TMCC1: variants seen among roughly 807,000 people sequenced by gnomAD.
TMCC1 encodes transmembrane and coiled-coil domain family 1, also known as transmembrane and coiled-coil domains protein 1.
In TMCC1, 15 loss-of-function variants were observed where a neutral mutation model predicts 52.4. That is an observed-to-expected ratio of 0.29 (90% confidence interval 0.19 to 0.44). The LOEUF (loss-of-function observed/expected upper bound fraction) is 0.44, where lower values mean the gene tolerates loss of function less well. Among genes scored for constraint, TMCC1 ranks in the 20% least tolerant of loss-of-function variants. TMCC1 has a pLI of 1.00. For synonymous variants in TMCC1, 279 were observed against 301.9 expected, an observed-to-expected ratio of 0.92 and a Z score of 0.79; for missense variants, 503 against 806.0, an observed-to-expected ratio of 0.62 and a Z score of 4.55.
intron 1 of TMCC1, chr3:129,892,811 T>G (rs1003109551): frequency 6.6e-6 from 1 of 152,014 alleles, no homozygotes; most frequent in African/African-American, 2.4e-5. Flanking sequence ...AAAGCAGAGA[T>G]TCGCAAGCTA....
intron 2 of TMCC1, among the ~76,000 whole-genome samples, chr3:129,872,335 A>G (rs1321218303): frequency 6.6e-6 from 1 of 152,196 alleles, no homozygotes; most frequent in Non-Finnish European, 1.5e-5. Flanking sequence ...ACTCAAAAGC[A>G]TGGTCTGCTG....
At chr3:129,849,463 A>G (rs76457662) in intron 2 of TMCC1, among the ~76,000 whole-genome samples, 1 of 147,338 alleles carries the variant, frequency 6.8e-6, no homozygotes. Context: ...CTCCATCTCA[A>G]AAAAAAAAAA....
intron 4 of TMCC1, among the ~76,000 whole-genome samples, chr3:129,730,281 TAA>T (rs1359109542): frequency 6.6e-6 from 1 of 152,188 alleles, no homozygotes; most frequent in Non-Finnish European, 1.5e-5. Flanking sequence ...TGTGTTGTTC[TAA>T]AAGTTTCATA....
chr3:129,656,094 A>T (rs1195559331), intron 5 of TMCC1, among the ~76,000 whole-genome samples: 1 of 152,288 alleles, frequency 6.6e-6, no homozygotes, highest in African/African-American at 2.4e-5. Flanking sequence ...CAGAGGAGTC[A>T]CATGATGAAT....
chr3:129,734,461 A>AAGTC (rs1200339880), intron 4 of TMCC1, among the ~76,000 whole-genome samples: 1 of 152,168 alleles, frequency 6.6e-6, no homozygotes, highest in African/African-American at 2.4e-5. Flanking sequence ...TGAGGTGGGC[A>AAGTC]GACTGCTTAA....
At chr3:129,713,113 A>T (rs575681156) in intron 4 of TMCC1, among the ~76,000 whole-genome samples, 159 of 152,196 alleles carry the variant, frequency 1.0e-3, no homozygotes, top group African/African-American at 3.4e-3. Context: ...AATAAAAAAA[A>T]TTGCTAGTTG....
In TMCC1 at chr3:129,797,274, C is replaced by T. The variant is rs564819192; in HGVS notation, c.576+30529G>A. ...CCGGGAAGCGGAGCTTGCAGTGAGC[C>T]GAGATCACGCCACTGCACTCCAGCC... On this transcript the variant is annotated intron_variant, in intron 4 of 6. Coordinates refer to ENST00000393238, the MANE Select transcript of TMCC1 (RefSeq NM_001017395.5). Among the ~76,000 whole-genome samples the T allele has an allele frequency of 1.4e-3, 207 of 151,492 alleles. 3 individuals carry two copies. The highest frequency in any genetic ancestry group is 0.013 in the Admixed American group (205 of 15,198).
At chr3:129,658,012 G>A (rs1379412921) in intron 5 of TMCC1, among the ~76,000 whole-genome samples, 5 of 152,050 alleles carry the variant, frequency 3.3e-5, no homozygotes, top group Admixed American at 1.3e-4. Context: ...ATATGTATAC[G>A]AGTGTTCACT....
At chr3:129,865,556 G>T (rs190426710) in intron 2 of TMCC1, among the ~76,000 whole-genome samples, 1 of 152,222 alleles carries the variant, frequency 6.6e-6, no homozygotes, top group East Asian at 1.9e-4. Context: ...ATGAAAGCTT[G>T]AACTATAAGG....
At chr3:129,699,759 CA>C (rs1359133886) in intron 4 of TMCC1, among the ~76,000 whole-genome samples, 1 of 152,012 alleles carries the variant, frequency 6.6e-6, no homozygotes, top group Non-Finnish European at 1.5e-5. Context: ...CCATCTCTAT[CA>C]AAACTAACAA....
intron 4 of TMCC1, among the ~76,000 whole-genome samples, chr3:129,690,621 C>A (rs1175573066): frequency 6.6e-6 from 1 of 152,104 alleles, no homozygotes; most frequent in African/African-American, 2.4e-5. Context: ...TAAGTCAAAG[C>A]ATTTAATTGC....
rs116676721 is a variant in TMCC1, at chr3:129,711,693, T to A, written c.577-40429A>T. Among the ~76,000 whole-genome samples the A allele has an allele frequency of 7.6e-3, 1,135 of 149,908 alleles. 24 individuals carry two copies. Among genetic ancestry groups the A allele is most frequent in the African/African-American group, 0.027 (1,084 of 40,788 alleles). On this transcript the variant is annotated intron_variant, in intron 4 of 6. Transcript: ENST00000393238. ...AACCCTAACTCTACTAATAAGATAA[T>A]AATAATAAAAAATTAGGCCAGGTGC...
chr3:129,819,758 G>C (rs1292640107), intron 4 of TMCC1: 1 of 152,088 alleles, frequency 6.6e-6, no homozygotes, highest in Non-Finnish European at 1.5e-5. Flanking sequence ...TCAAAATTAT[G>C]ATGTGAATGA....
At chr3:129,860,773 T>C (rs546388186) in intron 2 of TMCC1, among the ~76,000 whole-genome samples, 1 of 152,216 alleles carries the variant, frequency 6.6e-6, no homozygotes, top group African/African-American at 2.4e-5. Context: ...CTAATTCTTG[T>C]ATTTTTAGTA....
At chr3:129,766,472 T>C (rs892936407) in intron 4 of TMCC1, among the ~76,000 whole-genome samples, 2 of 152,200 alleles carry the variant, frequency 1.3e-5, no homozygotes, top group Non-Finnish European at 2.9e-5. Flanking sequence ...TAAACCCTAA[T>C]GCAAGCAAAT....
chr3:129,786,033 C>T (rs1309900898), intron 4 of TMCC1, among the ~76,000 whole-genome samples: 1 of 146,938 alleles, frequency 6.8e-6, no homozygotes, highest in Non-Finnish European at 1.5e-5. Flanking sequence ...CTTCTAGGTT[C>T]AAGTGATTCT....
At chr3:129,877,794 A>C (rs2061288942) in intron 2 of TMCC1, among the ~76,000 whole-genome samples, 1 of 151,290 alleles carries the variant, frequency 6.6e-6, no homozygotes, top group Admixed American at 6.6e-5. Flanking sequence ...ACGCACAACT[A>C]ATTTTTTGTA....
Position 129,651,910 on chromosome 3 carries a change from ATG to A in TMCC1, c.1648-117_1648-116del, listed in dbSNP as rs2086353796. On this transcript the variant is annotated intron_variant, in intron 6 of 6. Transcript: ENST00000393238. This position sits in a 1 kb window ranked among gnomAD's most constrained non-coding sequence, Gnocchi z 5.1. ...GAGCAATGCCAATGATTTTATAAAT[ATG>A]CTGGAGCCTTGAATGAATGTAAAAG... is the stretch of plus-strand genomic sequence containing the variant. 1.8e-6 allele frequency: 2 copies of A among 1,084,258 alleles called. No homozygotes were observed. The highest frequency in any genetic ancestry group is 2.9e-5 in the East Asian group (1 of 34,040). The allele number at this position is 1,084,258 out of a possible 1,614,324, so 67.2% of individuals were successfully genotyped here.
At chr3:129,659,115 A>G (rs1422616036) in intron 5 of TMCC1, among the ~76,000 whole-genome samples, 1 of 129,942 alleles carries the variant, frequency 7.7e-6, no homozygotes, top group South Asian at 2.4e-4. Flanking sequence ...TTTTTTTTTT[A>G]AAGAGATGGG....
Sources: gnomAD v4.1 joint callset for allele counts (sites outside exome capture counted in the v4.1 genomes callset) on GRCh38, gnomAD v4.1.1 for gene constraint, Gnocchi (gnomAD v3.1) non-coding constraint, MANE v1.5 for transcripts, NCBI Gene and HGNC (gene_info 2026-07-23, HGNC 2026-07-21) for gene names.